The following H6PD variants were observed in gnomAD, a reference collection of about 807,000 sequenced individuals.
H6PD encodes hexose-6-phosphate dehydrogenase/glucose 1-dehydrogenase.
H6PD carries 48 observed loss-of-function variants against 61.2 expected under a neutral mutation model. The observed-to-expected ratio is 0.78, with a 90% CI of 0.62 to 1.00. The LOEUF (loss-of-function observed/expected upper bound fraction) is 1.00. H6PD is among the 50% of genes least tolerant of loss of function. The pLI is 0.00. For synonymous variants in H6PD, 480 were observed against 457.9 expected, an observed-to-expected ratio of 1.05 and a Z score of -0.62; for missense variants, 1,093 against 1,065.0, an observed-to-expected ratio of 1.03 and a Z score of -0.37.
At chr1:9,240,443 C>T (rs753208266) in intron 1 of H6PD, among the ~76,000 whole-genome samples, 2 of 152,084 alleles carry the variant, frequency 1.3e-5, no homozygotes, top group Admixed American at 6.6e-5. Context: ...CACCTTTCCT[C>T]GGAAAACAGG....
Position 9,244,819 on chromosome 1 carries a change from A to T in H6PD, c.-10-106A>T, listed in dbSNP as rs2100325746. ...GGCTTATAACATTTTCTTAAGAAAC[A>T]CGTGGTGGTTTCTTGCCAGGCAGGA... On this transcript the variant is annotated intron_variant, in intron 1 of 4. Transcript: ENST00000377403. 9.8e-6 allele frequency: 10 copies of T among 1,019,468 alleles called. 1 individual carries two copies. The South Asian group carries it at 1.2e-4, about 12-fold the overall frequency. The allele number at this position is 1,019,468 out of a possible 1,614,324, so 63.2% of individuals were successfully genotyped here. A position where few individuals can be genotyped will look rare whatever the true frequency, so the allele number is the denominator to read the frequency against.
At chr1:9,237,238 T>C (rs375242277) in intron 1 of H6PD, among the ~76,000 whole-genome samples, 16 of 98,204 alleles carry the variant, frequency 1.6e-4, no homozygotes, top group African/African-American at 5.6e-4. Context: ...TGACTTCTCT[T>C]TTTTTTTTTT....
At chr1:9,260,829 A>G (rs1638243992) in intron 3 of H6PD, among the ~76,000 whole-genome samples, 1 of 151,306 alleles carries the variant, frequency 6.6e-6, no homozygotes, top group Non-Finnish European at 1.5e-5. Context: ...ACAACTGGAC[A>G]TCTGCGCCTG....
intron 3 of H6PD, among the ~76,000 whole-genome samples, chr1:9,247,406 A>T (rs1487745756): frequency 6.6e-6 from 1 of 152,140 alleles, no homozygotes; most frequent in Non-Finnish European, 1.5e-5. Flanking sequence ...GAACTGCGTG[A>T]GGGCTTCCCC....
rs370751354 is a variant in H6PD, at chr1:9,237,236, C to CTTTTTTT, written c.-11+2190_-11+2196dup. Among the ~76,000 whole-genome samples, 212 of 71,064 alleles carry CTTTTTTT rather than the reference C, an allele frequency of 3.0e-3. 42 individuals carry two copies. The highest frequency in any genetic ancestry group is 9.2e-3 in the African/African-American group (185 of 20,108). 46.6% of individuals were successfully genotyped at this position (71,064 alleles called of 152,430 possible). On this transcript the variant is annotated intron_variant, in intron 1 of 4. Transcript: ENST00000377403. ...ACCTTTGGTAAGTTATTTGACTTCT[C>CTTTTTTT]TTTTTTTTTTTTTTTTTTTTTTTTT...
rs932153273 is a variant in H6PD, at chr1:9,270,391, A to C, written c.*5522A>C. ...GGGTCCTTCACTTTACCCCCACAGA[A>C]GTCTAGAGGCGTCTGTTATAAAGCG... On this transcript the variant is annotated 3_prime_UTR_variant, in exon 5 of 5. Coordinates refer to ENST00000377403, the MANE Select transcript of H6PD (RefSeq NM_004285.4). The C allele has an allele frequency of 5.3e-5, 8 of 152,268 alleles. No individual in the cohort carries two copies. Among genetic ancestry groups the C allele is most frequent in the African/African-American group, 1.7e-4 (7 of 41,452 alleles). The allele number at this position is 152,268 out of a possible 1,614,324, so 9.4% of individuals were successfully genotyped here. A position where few individuals can be genotyped will look rare whatever the true frequency, so the allele number is the denominator to read the frequency against.
intron 3 of H6PD, among the ~76,000 whole-genome samples, chr1:9,260,676 AC>A (rs1638235189): frequency 6.6e-6 from 1 of 151,540 alleles, no homozygotes; most frequent in Non-Finnish European, 1.5e-5. Flanking sequence ...TGTTGTTGTT[AC>A]GCTGGTGTTG....
intron 3 of H6PD, among the ~76,000 whole-genome samples, chr1:9,249,887 A>T (rs1641305519): frequency 6.6e-6 from 1 of 152,192 alleles, no homozygotes; most frequent in South Asian, 2.1e-4. Flanking sequence ...TGGGCCTTGG[A>T]CACAGGGTGC....
chr1:9,259,487 T>C (rs1641644642), intron 3 of H6PD, among the ~76,000 whole-genome samples: 1 of 152,176 alleles, frequency 6.6e-6, no homozygotes, highest in African/African-American at 2.4e-5. Flanking sequence ...TGTTGTTATA[T>C]TGTTGTTACG....
rs1170934453 is a variant in H6PD at position 9,256,601 on chromosome 1, C to T, written c.746-5458C>T. 1.3e-5 allele frequency among the ~76,000 whole-genome samples: 2 copies of T among 152,164 alleles called. 1 individual carries two copies. Among genetic ancestry groups the T allele is most frequent in the South Asian group, 4.1e-4 (2 of 4,824 alleles). On this transcript the variant is annotated intron_variant, in intron 3 of 4. Coordinates refer to ENST00000377403, the MANE Select transcript of H6PD (RefSeq NM_004285.4). Reference sequence around the variant, plus strand: ...GACTGGCGCCATGGACCCAGAGTGGCTGCTGGGAGGGGAGCATGCTGGGCT... The same window carrying T: ...GACTGGCGCCATGGACCCAGAGTGGTTGCTGGGAGGGGAGCATGCTGGGCT...
chr1:9,241,436 G>A (rs1381394614), intron 1 of H6PD, among the ~76,000 whole-genome samples: 1 of 152,038 alleles, frequency 6.6e-6, no homozygotes, highest in Non-Finnish European at 1.5e-5. Flanking sequence ...ACAGGATCTT[G>A]CTCTGTCACC....
intron 3 of H6PD, among the ~76,000 whole-genome samples, chr1:9,251,520 C>T (rs1294621414): frequency 1.3e-5 from 2 of 152,116 alleles, no homozygotes; most frequent in African/African-American, 2.4e-5. Context: ...CTGGGAGGGT[C>T]CCTGTCCTGA....
chr1:9,243,100 G>A (rs1044639321), intron 1 of H6PD: 2 of 368,612 alleles, frequency 5.4e-6, no homozygotes, highest in Admixed American at 6.4e-5. Context: ...TGTAGACACT[G>A]GCTCAGACAC....
intron 1 of H6PD, among the ~76,000 whole-genome samples, chr1:9,243,576 G>C (rs1272314069): frequency 6.6e-6 from 1 of 152,170 alleles, no homozygotes; most frequent in African/African-American, 2.4e-5. Context: ...TTGGTTGGAA[G>C]CTAGAGAGCC....
In H6PD at chr1:9,264,664, A is replaced by G. The variant is rs1271192842; in HGVS notation, c.2171A>G (p.Gln724Arg). ...QLVVLTTSPS[Q>R]PHRRMSLSLP... ...GTCGTGCTGACCACGAGCCCCTCCC[A>G]GCCACACCGCCGCATGAGCCTTAGC... The change falls in exon 5 of 5, where the codon CAG becomes CGG. Residue 724 changes from glutamine to arginine, a missense_variant. Gln to Arg is a conservative substitution (Grantham distance 43). Transcript: ENST00000377403. The G allele has an allele frequency of 1.2e-6, 2 of 1,613,162 alleles. No homozygotes were observed. The highest frequency in any genetic ancestry group is 1.7e-6 in the Non-Finnish European group (2 of 1,179,950).
At chr1:9,240,087 A>T (rs759226521) in intron 1 of H6PD, 17 of 1,033,190 alleles carry the variant, frequency 1.6e-5, no homozygotes, top group Non-Finnish European at 2.0e-5. Flanking sequence ...AAGGGTGCCC[A>T]GGACTGGGTT....
At chr1:9,236,666 C>T (rs1463549454) in intron 1 of H6PD, among the ~76,000 whole-genome samples, 1 of 141,646 alleles carries the variant, frequency 7.1e-6, no homozygotes, top group Non-Finnish European at 1.5e-5. Flanking sequence ...TAGACTTCTC[C>T]TTAAAAAAAA....
intron 3 of H6PD, among the ~76,000 whole-genome samples, chr1:9,253,549 G>A (rs1245563148): frequency 6.6e-6 from 1 of 152,232 alleles, no homozygotes; most frequent in Non-Finnish European, 1.5e-5. Context: ...GGGTGACATA[G>A]TGGAACTGGA....
At position 9,267,341 on chromosome 1, in the gene H6PD, CCT is replaced by C. The variant is rs1309148964; in HGVS notation, c.*2473_*2474del. On this transcript the variant is annotated 3_prime_UTR_variant, in exon 5 of 5. Coordinates refer to ENST00000377403, the MANE Select transcript of H6PD (RefSeq NM_004285.4). ...CCTGACTGCCCCTATCCCCGCAGCC[CCT>C]GTGCCGGATTTCATTTCCCTCCTCT... 6.6e-6 allele frequency: 1 copy of C among 152,400 alleles called. No homozygotes were observed. The highest frequency in any genetic ancestry group is 1.5e-5 in the Non-Finnish European group (1 of 68,238). The allele number at this position is 152,400 out of a possible 1,614,324, so 9.4% of individuals were successfully genotyped here.
Sources: gnomAD v4.1 joint callset for allele counts (sites outside exome capture counted in the v4.1 genomes callset) on GRCh38, gnomAD v4.1.1 for gene constraint, MANE v1.5 for transcripts, NCBI Gene and HGNC (gene_info 2026-07-23, HGNC 2026-07-21) for gene names.